MYOM3: variants seen among roughly 807,000 people sequenced by gnomAD.
MYOM3 encodes the protein myomesin 3.
MYOM3 carries 155 observed loss-of-function variants against 191.7 expected under a neutral mutation model. The observed-to-expected ratio is 0.81, with a 90% CI of 0.71 to 0.92. MYOM3 has a LOEUF of 0.92. Ranked by LOEUF, MYOM3 falls within the 40% of genes least tolerant of loss-of-function variation. The pLI is 0.00. For synonymous variants in MYOM3, 757 were observed against 762.9 expected, an observed-to-expected ratio of 0.99 and a Z score of 0.13; for missense variants, 1,889 against 1,890.6, an observed-to-expected ratio of 1.00 and a Z score of 0.02.
chr1:24,110,740 G>A (rs904514320), intron 1 of MYOM3, among the ~76,000 whole-genome samples: 2 of 152,112 alleles, frequency 1.3e-5, no homozygotes, highest in African/African-American at 4.8e-5. Context: ...CTTTGGCTTC[G>A]TATCACTCCC....
rs761289145 is a variant in MYOM3 at position 24,080,064 on chromosome 1, C to T, written c.2538G>A (p.Glu846=). 17 of 1,614,138 alleles carry T rather than the reference C, an allele frequency of 1.1e-5. 1 individual carries two copies. The South Asian group carries it at 1.6e-4, about 16-fold the overall frequency. ...YHVSFQEEGS[E]QWKPVTPGPI... ...GGCCTGGGGTGACCGGCTTCCACTGCTCAGAGCCTTCCTCCTGGAAACTGA... is the reference window on the plus strand; with the variant it reads ...GGCCTGGGGTGACCGGCTTCCACTGTTCAGAGCCTTCCTCCTGGAAACTGA... Residue 846 remains glutamate (E), a synonymous_variant, in exon 20 of 37, where the codon GAG becomes GAA. Coordinates refer to ENST00000374434, the MANE Select transcript of MYOM3 (RefSeq NM_152372.4).
At chr1:24,090,460 G>A (rs12034626) in intron 12 of MYOM3, among the ~76,000 whole-genome samples, 37,350 of 152,058 alleles carry the variant, frequency 0.25, 5,197 homozygotes, top group East Asian at 0.47. Flanking sequence ...CCGTGTCCCC[G>A]CACTCGAGCT....
chr1:24,063,232 G>C lies in MYOM3; in HGVS notation c.3664C>G (p.Leu1222Val). 1 of 1,612,880 alleles carries C rather than the reference G, an allele frequency of 6.2e-7. No homozygotes were observed. ...IFTELGRIGA[L>V]SATPLKIQGT... ...TGGATTTTCAGTGGAGTTGCAGAGAGGGCTGGGGAGACAGAGGAGAAGGAT... is the reference window on the plus strand; with the variant it reads ...TGGATTTTCAGTGGAGTTGCAGAGACGGCTGGGGAGACAGAGGAGAAGGAT... The change falls in exon 32 of 37, where the codon CTC (leucine) becomes GTC (valine). Residue 1222 changes from leucine (L) to valine (V), a missense_variant and splice_region_variant. Leu to Val is a conservative substitution (Grantham distance 32). Coordinates refer to ENST00000374434, the MANE Select transcript of MYOM3 (RefSeq NM_152372.4). This position sits in a 1 kb window ranked among gnomAD's most constrained non-coding sequence, Gnocchi z 4.5.
chr1:24,082,220 C>T, intron 17 of MYOM3, 32 bp from the exon 18 acceptor site: 1 of 1,558,516 alleles, frequency 6.4e-7, no homozygotes, highest in South Asian at 1.2e-5. Flanking sequence ...AGGACAGCTG[C>T]TCCCTAGGGG....
At chr1:24,102,670 G>A (rs977875922) in intron 5 of MYOM3, among the ~76,000 whole-genome samples, 3 of 152,158 alleles carry the variant, frequency 2.0e-5, no homozygotes, top group African/African-American at 7.2e-5. Context: ...AACATAGTGA[G>A]ACTCTGTCTA....
intron 35 of MYOM3, among the ~76,000 whole-genome samples, chr1:24,060,115 A>G (rs1010579535): frequency 6.6e-6 from 1 of 152,156 alleles, no homozygotes; most frequent in Non-Finnish European, 1.5e-5. Flanking sequence ...TCTGTTCAGG[A>G]TGACGCATTC....
At chr1:24,065,683 T>G in intron 29 of MYOM3, 1 of 613,192 alleles carries the variant, frequency 1.6e-6, no homozygotes, top group South Asian at 1.9e-5. Flanking sequence ...ATAGTTTTTT[T>G]GCATTAATTT....
chr1:24,108,009 A>T lies in MYOM3; in HGVS notation c.226T>A (p.Ser76Thr). ...ALAAALALTASSELSWEAQLR... is the reference protein window; with the variant it reads ...ALAAALALTATSELSWEAQLR... ...CTGACTCACCAAGACAGCTCGGAGG[A>T]GGCCGTCAGAGCCAGGGCTGCTGCC... The change falls in exon 3 of 37, where the codon TCC (serine) becomes ACC (threonine). Residue 76 changes from serine (S) to threonine (T), a missense_variant. Ser to Thr is a moderately conservative substitution (Grantham distance 58). Coordinates refer to ENST00000374434, the MANE Select transcript of MYOM3 (RefSeq NM_152372.4). 6.2e-7 allele frequency: 1 copy of T among 1,613,240 alleles called. No homozygotes were observed. Among genetic ancestry groups the T allele is most frequent in the Non-Finnish European group, 8.5e-7 (1 of 1,179,642 alleles).
Position 24,082,732 on chromosome 1 carries a change from A to G in MYOM3, c.1971-18T>C, listed in dbSNP as rs766831058. The G allele has an allele frequency of 1.3e-6, 2 of 1,582,442 alleles. No homozygotes were observed. Among genetic ancestry groups the G allele is most frequent in the Admixed American group, 3.7e-5 (2 of 54,090 alleles). ...CTGTAAACCTGGGAGAGAAATGTGC[A>G]GCTTTCATGGATGTACAAACAGCCT... On this transcript the variant is annotated intron_variant, in intron 16 of 36. Transcript: ENST00000374434.
Position 24,057,400 on chromosome 1 carries a change from C to T in MYOM3, c.4278G>A (p.Lys1426=). The T allele has an allele frequency of 6.2e-7, 1 of 1,614,058 alleles. No homozygotes were observed. The highest frequency in any genetic ancestry group is 8.5e-7 in the Non-Finnish European group (1 of 1,180,044). Reference sequence around the variant, plus strand: ...TCAGCTCCTTGGGCTCGTCCCCGTGCTTGAACACACTGATGGTGACCTGGC... The same window carrying T: ...TCAGCTCCTTGGGCTCGTCCCCGTGTTTGAACACACTGATGGTGACCTGGC... ...ETGQVTISVF[K]HGDEPKELKS... The change falls in exon 37 of 37, where the codon AAG becomes AAA. Residue 1426 remains lysine, a synonymous_variant. Transcript: ENST00000374434.
chr1:24,076,601 C>T (rs1643604261), intron 20 of MYOM3, among the ~76,000 whole-genome samples: 2 of 88,442 alleles, frequency 2.3e-5, no homozygotes, highest in African/African-American at 7.8e-5. Flanking sequence ...GCAAGCTCCA[C>T]CTCCCGGGTT....
rs1308932062 is a variant in MYOM3 at position 24,058,920 on chromosome 1, G to A, written c.4050+4C>T. On this transcript the variant is annotated splice_donor_region_variant and intron_variant, in intron 36 of 36. Coordinates refer to ENST00000374434, the MANE Select transcript of MYOM3 (RefSeq NM_152372.4). ...GCTGGCTGTGGGCTGGGAAGGGTCA[G>A]TACCTTATCTTCCATGATAGTGGCC... The A allele has an allele frequency of 6.2e-7, 1 of 1,607,626 alleles. No individual in the cohort carries two copies. Among genetic ancestry groups the A allele is most frequent in the Non-Finnish European group, 8.5e-7 (1 of 1,176,592 alleles).
intron 5 of MYOM3, among the ~76,000 whole-genome samples, chr1:24,101,739 A>G (rs1038905028): frequency 6.6e-6 from 1 of 152,180 alleles, no homozygotes; most frequent in Non-Finnish European, 1.5e-5. Context: ...GTGATAGAGC[A>G]AGACCCTGTC....
In MYOM3 at chr1:24,067,038, C is replaced by T. The variant is rs1643445064; in HGVS notation, c.3406G>A (p.Val1136Met). ...LQWKVTEDCQ[V>M]QLTCKVTNTK... is the part of the protein sequence containing the mutation. ...GGACTTGCCTTGCACGTCAGCTGCA[C>T]TTGGCAGTCCTCCGTGACCTTCCAC... The change falls in exon 28 of 37, where the codon GTG becomes ATG. Residue 1136 changes from valine to methionine, a missense_variant. Transcript: ENST00000374434. The T allele has an allele frequency of 6.3e-7, 1 of 1,575,314 alleles. No homozygotes were observed. Among genetic ancestry groups the T allele is most frequent in the East Asian group, 2.3e-5 (1 of 42,936 alleles).
chr1:24,067,843 T>A, intron 27 of MYOM3, 127 bp downstream of exon 27: 1 of 878,832 alleles, frequency 1.1e-6, no homozygotes, highest in Non-Finnish European at 1.9e-6. Context: ...GGGACAGAAC[T>A]GGACTGAATG....
intron 27 of MYOM3, 72 bp downstream of exon 27, chr1:24,067,898 T>G: frequency 6.7e-7 from 1 of 1,485,098 alleles, no homozygotes; most frequent in Non-Finnish European, 9.4e-7. Context: ...GGGTTCCCAT[T>G]AATCCGCAGT....
chr1:24,089,562 T>C lies in MYOM3; in HGVS notation c.1590A>G (p.Ala530=), dbSNP rs1190676575. ...CCTTCTCCAGGGAGTACGTCAGTGG[T>C]GCTCTGTCCCGGGGGCTGGGCTCCT... ...AWEEPSPRDR[A]PLTYSLEKSV... is the part of the protein sequence containing the mutation. Residue 530 remains alanine, a synonymous_variant, in exon 14 of 37, where the codon GCA becomes GCG. Transcript: ENST00000374434. 2.5e-6 allele frequency: 4 copies of C among 1,601,496 alleles called. No individual in the cohort carries two copies. The South Asian group carries it at 3.4e-5, about 14-fold the overall frequency.
At position 24,064,100 on chromosome 1, in the gene MYOM3, G is replaced by A. The variant is rs545837622; in HGVS notation, c.3594C>T (p.Asp1198=). The A allele has an allele frequency of 8.7e-6, 14 of 1,614,002 alleles. No individual in the cohort carries two copies. Among genetic ancestry groups the A allele is most frequent in the South Asian group, 5.5e-5 (5 of 91,062 alleles). The stretch of plus-strand genomic sequence containing the variant: ...CACCCGTGAGGTCCAATATGGTGTC[G>A]TCCTCCCCTCGATCGTCAGAAACCA... The part of the protein sequence containing the change: ...RAMVSDDRGE[D]DTILDLTGDA... Residue 1198 remains aspartate, a synonymous_variant, in exon 30 of 37, where the codon GAC becomes GAT. Coordinates refer to ENST00000374434, the MANE Select transcript of MYOM3 (RefSeq NM_152372.4).
At chr1:24,076,116 C>G (rs762781595) in intron 21 of MYOM3, 43 bp downstream of exon 21, 2 of 1,490,774 alleles carry the variant, frequency 1.3e-6, no homozygotes, top group Non-Finnish European at 1.9e-6. Context: ...TCCCCAGTGG[C>G]GTAGCCCAGT....
Sources: allele counts gnomAD v4.1 joint callset (sites outside exome capture counted in the v4.1 genomes callset), GRCh38; gene constraint gnomAD v4.1.1; non-coding constraint Gnocchi (gnomAD v3.1); transcripts MANE v1.5; gene names NCBI Gene and HGNC (gene_info 2026-07-23, HGNC 2026-07-21).